The following EIPR1 variants were observed in gnomAD, a reference collection of about 807,000 sequenced individuals.
The protein encoded by EIPR1 is EARP and GARP complex-interacting protein 1.
Under a neutral mutation model 48.1 loss-of-function variants are expected in EIPR1, and 25 were observed. That is an observed-to-expected ratio of 0.52 (90% CI 0.38 to 0.73). The LOEUF (loss-of-function observed/expected upper bound fraction) is 0.73. EIPR1 is among the 30% of genes least tolerant of loss of function. The pLI, the probability that EIPR1 is intolerant of heterozygous loss-of-function variation, is 0.00. For synonymous variants in EIPR1, 204 were observed against 201.9 expected (o/e 1.01, Z -0.09); for missense variants, 415 against 506.2 (o/e 0.82, Z 1.73).
At chr2:3,294,693 C>A (rs1394931017) in intron 3 of EIPR1, among the ~76,000 whole-genome samples, 3 of 144,528 alleles carry the variant, frequency 2.1e-5, no homozygotes, top group Admixed American at 2.1e-4. Context: ...TACACACACC[C>A]TCCATCCAGC....
chr2:3,257,209 C>A (rs191140670), intron 4 of EIPR1, 90 bp downstream of exon 4: 2 of 1,408,098 alleles, frequency 1.4e-6, no homozygotes, highest in Non-Finnish European at 1.9e-6. Flanking sequence ...GAGGTGTGGA[C>A]GGTGGCTCCT....
chr2:3,287,663 A>G lies in EIPR1; in HGVS notation c.260-30208T>C, dbSNP rs1200956240. ...ACGCTCCGGAAAGCTCGTTCACCAC[A>G]ATCCGGAAAGCGCGTTCACCACGCT... is the stretch of plus-strand genomic sequence containing the variant. On this transcript the variant is annotated intron_variant, in intron 3 of 8. Transcript: ENST00000382125. Among the ~76,000 whole-genome samples the G allele has an allele frequency of 2.7e-5, 4 of 146,580 alleles. No individual in the cohort carries two copies. In the East Asian group the frequency reaches 8.6e-4, roughly 31 times the overall value.
At chr2:3,370,982 C>T (rs1292420688) in intron 1 of EIPR1, among the ~76,000 whole-genome samples, 2 of 152,156 alleles carry the variant, frequency 1.3e-5, no homozygotes, top group African/African-American at 2.4e-5. Context: ...TAAGCGCAGC[C>T]AGAGAGAAAG....
intron 3 of EIPR1, among the ~76,000 whole-genome samples, chr2:3,295,872 G>GCA (rs1668561531): frequency 2.5e-5 from 1 of 39,416 alleles, no homozygotes; most frequent in East Asian, 8.4e-4. Flanking sequence ...TCCTCTCTCT[G>GCA]CACACACCCT....
intron 4 of EIPR1, among the ~76,000 whole-genome samples, chr2:3,254,285 C>T (rs1667088896): frequency 6.6e-6 from 1 of 152,224 alleles, no homozygotes; most frequent in South Asian, 2.1e-4. Flanking sequence ...CCCTCACGCT[C>T]TGTCATGGCA....
chr2:3,334,548 C>T (rs139668293), intron 3 of EIPR1, among the ~76,000 whole-genome samples: 1 of 152,370 alleles, frequency 6.6e-6, no homozygotes, highest in East Asian at 1.9e-4. Context: ...CCCACGGGTG[C>T]GACCACTGCT....
chr2:3,348,981 G>A (rs1307995103), intron 2 of EIPR1, among the ~76,000 whole-genome samples: 2 of 152,212 alleles, frequency 1.3e-5, no homozygotes, highest in African/African-American at 4.8e-5. Context: ...CCGGAACCAT[G>A]GGGCCCAGGC....
intron 2 of EIPR1, among the ~76,000 whole-genome samples, chr2:3,349,908 G>T (rs959871993): frequency 3.9e-5 from 6 of 152,172 alleles, no homozygotes; most frequent in African/African-American, 1.4e-4. Flanking sequence ...CAGATCACCT[G>T]AAGTCAGGAG....
Position 3,189,154 on chromosome 2 carries a change from G to T in EIPR1, c.*180C>A. On this transcript the variant is annotated 3_prime_UTR_variant, in exon 9 of 9. Coordinates refer to ENST00000382125, the MANE Select transcript of EIPR1 (RefSeq NM_003310.5). This position sits in a 1 kb window ranked among gnomAD's most constrained non-coding sequence, Gnocchi z 4.6. ...GGGGCTGGGTTCGGGCATTAGCTGT[G>T]CCGTCGACAATAGCCCCATTCACCC... The T allele has an allele frequency of 1.9e-6, 1 of 536,580 alleles. No homozygotes were observed. Among genetic ancestry groups the T allele is most frequent in the Non-Finnish European group, 3.0e-6 (1 of 330,338 alleles). The allele number at this position is 536,580 out of a possible 1,614,324, so 33.2% of individuals were successfully genotyped here. A position where few individuals can be genotyped will look rare whatever the true frequency, so the allele number is the denominator to read the frequency against.
chr2:3,343,117 G>A (rs1156788624), intron 2 of EIPR1, among the ~76,000 whole-genome samples: 1 of 152,194 alleles, frequency 6.6e-6, no homozygotes, highest in Non-Finnish European at 1.5e-5. Flanking sequence ...GTTAGACACG[G>A]CACAGCCAGG....
At position 3,194,129 on chromosome 2, in the gene EIPR1, C is replaced by A; in HGVS notation, c.691G>T (p.Val231Leu). The change falls in exon 7 of 9, where the codon GTG becomes TTG. Residue 231 changes from valine (V) to leucine (L), a missense_variant. Physicochemically the swap from Val to Leu is conservative, Grantham distance 32. Transcript: ENST00000382125. ...TTGGGATTAAAGTCAAGGTCCCGCA[C>A]CAGCTGTCCGTGGGCATTCTCTATG... ...YCIENAHGQL[V>L]RDLDFNPNKQ... is the part of the protein sequence containing the mutation. The A allele has an allele frequency of 6.2e-7, 1 of 1,613,926 alleles. No homozygotes were observed. The highest frequency in any genetic ancestry group is 8.5e-7 in the Non-Finnish European group (1 of 1,180,000).
chr2:3,238,063 G>A (rs1399669128), intron 4 of EIPR1, among the ~76,000 whole-genome samples: 5 of 152,080 alleles, frequency 3.3e-5, no homozygotes, highest in South Asian at 2.1e-4. Context: ...CACGAAAACC[G>A]TAAAAGCTTC....
At chr2:3,317,533 G>GGTGAC in intron 3 of EIPR1, among the ~76,000 whole-genome samples, 1 of 152,376 alleles carries the variant, frequency 6.6e-6, no homozygotes, top group Non-Finnish European at 1.5e-5. Flanking sequence ...CTGACAGGCA[G>GGTGAC]GTGACCTCGC....
At chr2:3,291,540 A>G (rs191298634) in intron 3 of EIPR1, among the ~76,000 whole-genome samples, 5 of 152,356 alleles carry the variant, frequency 3.3e-5, no homozygotes. Flanking sequence ...ATAATTTAAA[A>G]GATAGTTTTA....
chr2:3,368,920 T>C (rs985748046), intron 1 of EIPR1, among the ~76,000 whole-genome samples: 1 of 152,242 alleles, frequency 6.6e-6, no homozygotes, highest in Non-Finnish European at 1.5e-5. Context: ...GCAGTTGCAG[T>C]ACTGCCCTTT....
intron 3 of EIPR1, among the ~76,000 whole-genome samples, chr2:3,259,068 T>C (rs1330029320): frequency 6.6e-6 from 1 of 152,164 alleles, no homozygotes; most frequent in Non-Finnish European, 1.5e-5. Flanking sequence ...AAAAAATGAA[T>C]GCCTAACCCA....
intron 2 of EIPR1, among the ~76,000 whole-genome samples, chr2:3,352,829 T>C (rs1168046898): frequency 6.6e-6 from 1 of 152,208 alleles, no homozygotes; most frequent in Non-Finnish European, 1.5e-5. Context: ...AAACCCCGTC[T>C]CTACTAAAAA....
intron 4 of EIPR1, among the ~76,000 whole-genome samples, chr2:3,227,313 C>A (rs1044278663): frequency 6.6e-6 from 1 of 152,166 alleles, no homozygotes; most frequent in African/African-American, 2.4e-5. Flanking sequence ...AAAGTCGAGG[C>A]TGAGGTGGTC....
intron 1 of EIPR1, among the ~76,000 whole-genome samples, chr2:3,373,184 T>C (rs1462433676): frequency 1.3e-5 from 2 of 151,836 alleles, no homozygotes; most frequent in East Asian, 1.9e-4. Flanking sequence ...TCAACAACGC[T>C]TCATGCTAAA....
Sources: allele counts gnomAD v4.1 joint callset (sites outside exome capture counted in the v4.1 genomes callset), GRCh38; gene constraint gnomAD v4.1.1; non-coding constraint Gnocchi (gnomAD v3.1); transcripts MANE v1.5; gene names NCBI Gene and HGNC (gene_info 2026-07-23, HGNC 2026-07-21).